The following SPHKAP variants were observed in gnomAD, a reference collection of about 807,000 sequenced individuals.
SPHKAP encodes A-kinase anchor protein SPHKAP.
Under a neutral mutation model 137.5 loss-of-function variants are expected in SPHKAP, and 67 were observed. That is an observed-to-expected ratio of 0.49 (90% CI 0.40 to 0.60). The LOEUF is 0.60. Ranked by LOEUF, SPHKAP falls within the 20% of genes least tolerant of loss-of-function variation. SPHKAP has a pLI of 0.00. For missense variants in SPHKAP, 2,097 were observed against 2,069.3 expected (o/e 1.01, Z -0.26); for synonymous variants, 813 against 785.3 (o/e 1.04, Z -0.59).
intron 7 of SPHKAP, among the ~76,000 whole-genome samples, chr2:227,997,419 T>C (rs1693678461): frequency 6.6e-6 from 1 of 152,036 alleles, no homozygotes; most frequent in Admixed American, 6.5e-5. Context: ...AATAAATCTC[T>C]CCAAGAAAAG....
intron 1 of SPHKAP, among the ~76,000 whole-genome samples, chr2:228,171,120 C>T (rs983116976): frequency 4.6e-5 from 7 of 152,050 alleles, no homozygotes; most frequent in Non-Finnish European, 8.8e-5. Flanking sequence ...GGTATTTAGA[C>T]GTGGATGATA....
chr2:228,150,464 T>C (rs1699894413), intron 1 of SPHKAP, among the ~76,000 whole-genome samples: 2 of 152,162 alleles, frequency 1.3e-5, no homozygotes, highest in African/African-American at 4.8e-5. Context: ...CTGTAGACTA[T>C]TCGTGGTTTC....
chr2:228,083,514 C>A (rs1250130604), intron 3 of SPHKAP, among the ~76,000 whole-genome samples: 1 of 152,110 alleles, frequency 6.6e-6, no homozygotes. Context: ...ATATCCTTTG[C>A]CCACTTTTTG....
chr2:228,169,326 C>T lies in SPHKAP; in HGVS notation c.32+12241G>A, dbSNP rs574167214. On this transcript the variant is annotated intron_variant, in intron 1 of 11. Transcript: ENST00000392056. ...TAGCTAGAGAGGAGAAGTCAATGCC[C>T]GGCTTCAAAGCTTCAGAAGACAAGC... is the stretch of plus-strand genomic sequence containing the variant. 5.8e-4 allele frequency among the ~76,000 whole-genome samples: 89 copies of T among 152,222 alleles called. 2 individuals are homozygous for T. In the South Asian group the frequency reaches 0.018, roughly 31 times the overall value.
chr2:228,108,922 G>T lies in SPHKAP; in HGVS notation c.156C>A (p.Ser52Arg). The T allele has an allele frequency of 6.3e-7, 1 of 1,599,094 alleles. No homozygotes were observed. The highest frequency in any genetic ancestry group is 8.5e-7 in the Non-Finnish European group (1 of 1,175,872). Residue 52 changes from serine (S) to arginine (R), a missense_variant, in exon 3 of 12, where the codon AGC (serine) becomes AGA (arginine). Physicochemically the swap from Ser to Arg is moderately radical, Grantham distance 110. Transcript: ENST00000392056. ...TACKKVLRSN[S>R]LLESTDYWLQ... is the part of the protein sequence containing the mutation. The stretch of plus-strand genomic sequence containing the variant: ...ACCAGTAGTCTGTTGACTCCAGCAG[G>T]CTATTGCTGCGAAGAACCTGGAGGA...
At chr2:228,022,191 C>T (rs147958070) in intron 5 of SPHKAP, 16 of 984,922 alleles carry the variant, frequency 1.6e-5, no homozygotes, top group South Asian at 1.4e-4. Context: ...AAAAATAGAT[C>T]GGCTGTATCA....
intron 11 of SPHKAP, among the ~76,000 whole-genome samples, chr2:227,990,385 A>G (rs987673526): frequency 6.6e-6 from 1 of 152,228 alleles, no homozygotes; most frequent in African/African-American, 2.4e-5. Context: ...ATTGAGCTTG[A>G]AGACATTGGG....
At chr2:228,129,487 C>G (rs1330257881) in intron 2 of SPHKAP, among the ~76,000 whole-genome samples, 1 of 152,052 alleles carries the variant, frequency 6.6e-6, no homozygotes, top group Non-Finnish European at 1.5e-5. Flanking sequence ...CATTTATGAT[C>G]TATCTTTGTA....
intron 3 of SPHKAP, among the ~76,000 whole-genome samples, chr2:228,044,975 CA>C (rs1695980798): frequency 6.6e-6 from 1 of 152,058 alleles, no homozygotes; most frequent in Admixed American, 6.6e-5. Flanking sequence ...GACATTTATG[CA>C]GCCAAAAAAC....
chr2:228,033,391 G>T (rs1430797699), intron 3 of SPHKAP, among the ~76,000 whole-genome samples: 1 of 152,158 alleles, frequency 6.6e-6, no homozygotes, highest in Non-Finnish European at 1.5e-5. Context: ...AGTCCTTAGT[G>T]ACCTACAAAG....
In SPHKAP at chr2:228,033,229, C is replaced by T. The variant is rs552012874; in HGVS notation, c.247-5686G>A. 1.5e-4 allele frequency among the ~76,000 whole-genome samples: 23 copies of T among 152,122 alleles called. No homozygotes were observed. The East Asian group carries it at 4.4e-3, about 29-fold the overall frequency. Reference sequence around the variant, plus strand: ...ACAAAAAAAGGCAGGGGTTGCAATCCTAGTCTCTGATAAAACAGACTTTAA... The same window carrying T: ...ACAAAAAAAGGCAGGGGTTGCAATCTTAGTCTCTGATAAAACAGACTTTAA... On this transcript the variant is annotated intron_variant, in intron 3 of 11. Coordinates refer to ENST00000392056, the MANE Select transcript of SPHKAP (RefSeq NM_001142644.2).
chr2:228,109,431 T>C (rs1396163014), intron 2 of SPHKAP: 4 of 941,470 alleles, frequency 4.2e-6, no homozygotes, highest in East Asian at 2.3e-4. Flanking sequence ...TAAGGTACTA[T>C]GTTAAGTTTA....
intron 1 of SPHKAP, among the ~76,000 whole-genome samples, chr2:228,134,829 T>C (rs150445893): frequency 1.1e-4 from 17 of 152,266 alleles, no homozygotes; most frequent in East Asian, 5.8e-4. Context: ...ATCCCTTTCA[T>C]GCAGGCCATC....
intron 3 of SPHKAP, among the ~76,000 whole-genome samples, chr2:228,083,465 T>C (rs1300661859): frequency 6.6e-6 from 1 of 152,218 alleles, no homozygotes; most frequent in East Asian, 1.9e-4. Context: ...TCTATGTTTT[T>C]TGGCCGCATA....
intron 1 of SPHKAP, among the ~76,000 whole-genome samples, chr2:228,142,802 A>G (rs1448805487): frequency 6.6e-6 from 1 of 152,152 alleles, no homozygotes; most frequent in Non-Finnish European, 1.5e-5. Context: ...CCCCCATGAC[A>G]TGAGTTTATC....
intron 1 of SPHKAP, among the ~76,000 whole-genome samples, chr2:228,176,369 G>A (rs916926277): frequency 6.6e-6 from 1 of 152,174 alleles, no homozygotes; most frequent in Non-Finnish European, 1.5e-5. Context: ...ATACCCAAGG[G>A]AGAGTCCCTG....
intron 1 of SPHKAP, among the ~76,000 whole-genome samples, chr2:228,160,311 A>G (rs759679733): frequency 3.3e-5 from 5 of 152,172 alleles, no homozygotes; most frequent in Non-Finnish European, 7.3e-5. Context: ...TTATATACCA[A>G]TTGTATTAGT....
chr2:228,027,148 G>A (rs558262746), intron 4 of SPHKAP, among the ~76,000 whole-genome samples: 9 of 152,314 alleles, frequency 5.9e-5, no homozygotes, highest in African/African-American at 1.9e-4. Context: ...GCAGCAGGAA[G>A]AAGCAAATCT....
At chr2:228,170,216 T>A (rs1187477248) in intron 1 of SPHKAP, among the ~76,000 whole-genome samples, 3 of 152,122 alleles carry the variant, frequency 2.0e-5, no homozygotes, top group Admixed American at 6.6e-5. Context: ...AATAAATTTT[T>A]TTGTTTGTTT....
Sources: allele counts gnomAD v4.1 joint callset (sites outside exome capture counted in the v4.1 genomes callset), GRCh38; gene constraint gnomAD v4.1.1; transcripts MANE v1.5; gene names NCBI Gene and HGNC (gene_info 2026-07-23, HGNC 2026-07-21).